Variants in BCR observed in about 807,000 individuals in gnomAD.
BCR encodes breakpoint cluster region protein.
BCR carries 58 observed loss-of-function variants against 138.6 expected under a neutral mutation model. That is an observed-to-expected ratio of 0.42 (90% CI 0.34 to 0.52). The LOEUF is 0.52. BCR is among the 20% of genes least tolerant of loss of function. BCR has a pLI of 0.06. For missense variants in BCR, 1,599 were observed against 1,727.2 expected (o/e 0.93, Z 1.32); for synonymous variants, 786 against 730.1 (o/e 1.08, Z -1.23).
chr22:23,185,560 G>A (rs1165161315), intron 1 of BCR, among the ~76,000 whole-genome samples: 1 of 151,676 alleles, frequency 6.6e-6, no homozygotes, highest in African/African-American at 2.4e-5. Flanking sequence ...AGCTACTCGG[G>A]AGGCTGAGGC....
intron 22 of BCR, among the ~76,000 whole-genome samples, chr22:23,315,185 C>T (rs2074055398): frequency 6.6e-6 from 1 of 152,126 alleles, no homozygotes; most frequent in African/African-American, 2.4e-5. Context: ...GATGGAGCCA[C>T]TGTACTCCAG....
Position 23,181,276 on chromosome 22 carries a change from G to A in BCR, c.316G>A (p.Asp106Asn). ...GCAGCCAGCGCCCGCCGACGGAGCC[G>A]ACCCGCCGCCCGCCGAGGAGCCCGA... ...RPQPAPADGA[D>N]PPPAEEPEAR... The change falls in exon 1 of 23, where the codon GAC becomes AAC. Residue 106 changes from aspartate (D) to asparagine (N), a missense_variant. Physicochemically the swap from Asp to Asn is conservative, Grantham distance 23. Coordinates refer to ENST00000305877, the MANE Select transcript of BCR (RefSeq NM_004327.4). 1.5e-6 allele frequency: 2 copies of A among 1,291,796 alleles called. No homozygotes were observed. Among genetic ancestry groups the A allele is most frequent in the Middle Eastern group, 2.6e-4 (1 of 3,848 alleles). 80.0% of individuals were successfully genotyped at this position (1,291,796 alleles called of 1,614,324 possible). A position where few individuals can be genotyped will look rare whatever the true frequency, so the allele number is the denominator to read the frequency against.
intron 4 of BCR, among the ~76,000 whole-genome samples, chr22:23,262,581 C>A (rs980149062): frequency 2.6e-5 from 4 of 152,332 alleles, no homozygotes; most frequent in African/African-American, 9.6e-5. Context: ...GTGTGTGTGT[C>A]AGCAGTTTTA....
At chr22:23,279,443 T>A (rs977744985) in intron 8 of BCR, among the ~76,000 whole-genome samples, 2 of 152,122 alleles carry the variant, frequency 1.3e-5, no homozygotes, top group Non-Finnish European at 2.9e-5. Flanking sequence ...ACCTCTGGAG[T>A]CTGCCACATC....
intron 4 of BCR, chr22:23,262,889 G>C (rs2073383376): frequency 4.7e-6 from 5 of 1,071,832 alleles, no homozygotes; most frequent in Middle Eastern, 4.1e-4. Context: ...GCGGGCCGGG[G>C]GCTGAGGCGG....
At position 23,273,757 on chromosome 22, in the gene BCR, A is replaced by G; in HGVS notation, c.2098A>G (p.Thr700Ala). The G allele has an allele frequency of 6.2e-7, 1 of 1,614,112 alleles. No individual in the cohort carries two copies. Among genetic ancestry groups the G allele is most frequent in the South Asian group, 1.1e-5 (1 of 91,088 alleles). The change falls in exon 8 of 23, where the codon ACG (threonine) becomes GCG (alanine). Residue 700 changes from threonine to alanine, a missense_variant. By Grantham distance (58) the Thr-to-Ala change is moderately conservative. This residue lies in a region of BCR where 590 missense variants were observed against 762.4 expected (regional missense o/e 0.77). Transcript: ENST00000305877. ...EEITPRRQSM[T>A]VKKGEHRQLL... ...GATCACACCCCGACGGCAGTCCATG[A>G]CGGTGAAGAAGGGAGAGGTGAGTGT...
At chr22:23,257,469 C>T (rs947637542) in intron 2 of BCR, among the ~76,000 whole-genome samples, 2 of 152,248 alleles carry the variant, frequency 1.3e-5, no homozygotes, top group African/African-American at 2.4e-5. Context: ...CTCCCTGGGC[C>T]CTACAGGCCG....
chr22:23,301,923 G>A (rs981297689), intron 16 of BCR, among the ~76,000 whole-genome samples: 1 of 152,214 alleles, frequency 6.6e-6, no homozygotes, highest in Admixed American at 6.5e-5. Context: ...TCTTGCACCT[G>A]CCCACACACA....
In BCR at chr22:23,267,404, G is replaced by A. The variant is rs187417870; in HGVS notation, c.1753-1004G>A. Among the ~76,000 whole-genome samples the A allele has an allele frequency of 2.2e-4, 33 of 152,302 alleles. 1 individual carries two copies. The highest frequency in any genetic ancestry group is 4.0e-4 in the Non-Finnish European group (27 of 68,012). On this transcript the variant is annotated intron_variant, in intron 4 of 22. Transcript: ENST00000305877. ...AGACCCTTCTTGCAGCCCTTGTAGG[G>A]AGCAGGGCCAGAAGATCAGACAGTG...
At position 23,181,139 on chromosome 22, in the gene BCR, A is replaced by G; in HGVS notation, c.179A>G (p.Gln60Arg). 2 of 1,478,298 alleles carry G rather than the reference A, an allele frequency of 1.4e-6. No homozygotes were observed. Among genetic ancestry groups the G allele is most frequent in the Non-Finnish European group, 1.8e-6 (2 of 1,104,140 alleles). The allele number at this position is 1,478,298 out of a possible 1,614,324, so 91.6% of individuals were successfully genotyped here. A position where few individuals can be genotyped will look rare whatever the true frequency, so the allele number is the denominator to read the frequency against. The change falls in exon 1 of 23, where the codon CAG (glutamine) becomes CGG (arginine). Residue 60 changes from glutamine to arginine, a missense_variant. This residue lies in a region of BCR where 806 missense variants were observed against 635.0 expected (regional missense o/e 1.27). Coordinates refer to ENST00000305877, the MANE Select transcript of BCR (RefSeq NM_004327.4). ...GAGCGCTTCCGCATGATCTACCTGCAGACGTTGCTGGCCAAGGAAAAGAAG... is the reference window on the plus strand; with the variant it reads ...GAGCGCTTCCGCATGATCTACCTGCGGACGTTGCTGGCCAAGGAAAAGAAG... ...NQERFRMIYL[Q>R]TLLAKEKKSY... is the part of the protein sequence containing the mutation.
intron 1 of BCR, among the ~76,000 whole-genome samples, chr22:23,217,299 A>G (rs2072766260): frequency 6.6e-6 from 1 of 152,258 alleles, no homozygotes; most frequent in African/African-American, 2.4e-5. Flanking sequence ...TGTCAGATCC[A>G]CTGTTAGGTC....
chr22:23,301,590 G>C (rs1172853249), intron 16 of BCR, among the ~76,000 whole-genome samples: 1 of 152,214 alleles, frequency 6.6e-6, no homozygotes, highest in Admixed American at 6.5e-5. Context: ...CTCTGTGAAG[G>C]CTTCTCTGTC....
chr22:23,310,329 A>G lies in BCR; in HGVS notation c.3078A>G (p.Glu1026=). Residue 1026 remains glutamate (E), a synonymous_variant, in exon 18 of 23, where the codon GAA becomes GAG. Transcript: ENST00000305877. ...GCCCCTTCTCCCTACTGTAGATCGA[A>G]GTAAAGCTCTCGGTCAAGTTCAACA... ...QRTVIAMNGI[E]VKLSVKFNSR... is the part of the protein sequence containing the mutation. 7.4e-7 allele frequency: 1 copy of G among 1,357,464 alleles called. No homozygotes were observed. The highest frequency in any genetic ancestry group is 1.0e-6 in the Non-Finnish European group (1 of 962,792). 84.1% of individuals were successfully genotyped at this position (1,357,464 alleles called of 1,614,324 possible).
Position 23,180,966 on chromosome 22 carries a change from G to A in BCR, c.6G>A (p.Val2=). 1 of 1,375,532 alleles carries A rather than the reference G, an allele frequency of 7.3e-7. No homozygotes were observed. The highest frequency in any genetic ancestry group is 9.6e-7 in the Non-Finnish European group (1 of 1,045,796). 85.2% of individuals were successfully genotyped at this position (1,375,532 alleles called of 1,614,324 possible). M[V]DPVGFAEAWK... ...CAGGTAAGGCCGGCCGCGCCATGGT[G>A]GACCCGGTGGGCTTCGCGGAGGCGT... Residue 2 remains valine (V), a synonymous_variant, in exon 1 of 23, where the codon GTG becomes GTA. Coordinates refer to ENST00000305877, the MANE Select transcript of BCR (RefSeq NM_004327.4).
intron 1 of BCR, among the ~76,000 whole-genome samples, chr22:23,238,904 G>A (rs900208272): frequency 6.4e-5 from 7 of 109,394 alleles, no homozygotes; most frequent in Non-Finnish European, 6.2e-5. Flanking sequence ...GTTGGTTCGA[G>A]TCTCAAACTG....
At chr22:23,238,156 G>A (rs556511995) in intron 1 of BCR, among the ~76,000 whole-genome samples, 55 of 152,216 alleles carry the variant, frequency 3.6e-4, no homozygotes, top group African/African-American at 9.4e-4. Context: ...TGGTCATCCC[G>A]GTCATCCTGG....
intron 14 of BCR, among the ~76,000 whole-genome samples, chr22:23,292,127 C>T (rs534666080): frequency 1.3e-5 from 2 of 152,314 alleles, no homozygotes; most frequent in African/African-American, 2.4e-5. Context: ...CATAGTACAG[C>T]GGGGTCTGCT....
At chr22:23,224,289 G>C (rs1033177215) in intron 1 of BCR, among the ~76,000 whole-genome samples, 2 of 152,170 alleles carry the variant, frequency 1.3e-5, no homozygotes, top group Admixed American at 6.5e-5. Flanking sequence ...TGGACTGTAG[G>C]GGGAGGACCG....
At chr22:23,296,816 G>A (rs556933013) in intron 16 of BCR, among the ~76,000 whole-genome samples, 18 of 152,258 alleles carry the variant, frequency 1.2e-4, no homozygotes, top group Admixed American at 3.9e-4. Flanking sequence ...CTCTCCTGTC[G>A]CTGTCCCACT....
Sources: allele counts gnomAD v4.1 joint callset (sites outside exome capture counted in the v4.1 genomes callset), GRCh38; gene constraint gnomAD v4.1.1; regional missense constraint gnomAD v4.1.1; transcripts MANE v1.5; gene names NCBI Gene and HGNC (gene_info 2026-07-23, HGNC 2026-07-21).